NBPF8: variants seen among roughly 807,000 people sequenced by gnomAD.
NBPF8 encodes the protein NBPF member 8.
intron 3 of NBPF8, among the ~76,000 whole-genome samples, chr1:120,428,791 A>G (rs1205286505): frequency 5.5e-4 from 83 of 149,918 alleles, no homozygotes; most frequent in Non-Finnish European, 1.0e-3. Flanking sequence ...ACCAGCCCCA[A>G]TGCCATGTAG....
exon 15 of NBPF8, chr1:120,454,087 T>C (rs589059): frequency 1.2e-6 from 2 of 1,613,154 alleles, no homozygotes; most frequent in Non-Finnish European, 1.7e-6. Context: ...TCATGTTGAA[T>C]GGGAGGATGC....
chr1:120,464,800 C>A (rs1661699291), intron 23 of NBPF8, among the ~76,000 whole-genome samples: 2 of 146,626 alleles, frequency 1.4e-5, no homozygotes. Flanking sequence ...TGACATTGGA[C>A]CTGGGCAGAT....
chr1:120,420,917 CCTT>C (rs1316841655), intron 1 of NBPF8, among the ~76,000 whole-genome samples: 1 of 146,030 alleles, frequency 6.8e-6, no homozygotes, highest in African/African-American at 2.6e-5. Flanking sequence ...CTGTTTGTAT[CCTT>C]CTCACGTGGC....
chr1:120,462,553 C>T (rs1277526518), intron 20 of NBPF8, among the ~76,000 whole-genome samples: 21 of 110,722 alleles, frequency 1.9e-4, no homozygotes, highest in African/African-American at 6.7e-4. Flanking sequence ...GTGTGTCACC[C>T]GGCCAATTCG....
upstream of NBPF8, among the ~76,000 whole-genome samples, chr1:120,418,516 A>G (rs1660486271): frequency 6.6e-6 from 1 of 151,234 alleles, no homozygotes; most frequent in African/African-American, 2.4e-5. Flanking sequence ...TGTAAACAAT[A>G]GTATTCTACA....
chr1:120,465,327 G>T (rs1661713159), exon 24 of NBPF8: 24 of 691,680 alleles, frequency 3.5e-5, no homozygotes, highest in South Asian at 3.3e-4. Context: ...AAAGAAGAAG[G>T]GGAAGAAAAG....
downstream of NBPF8, among the ~76,000 whole-genome samples, chr1:120,469,469 C>A (rs1661853951): frequency 7.1e-6 from 1 of 141,668 alleles, no homozygotes; most frequent in Non-Finnish European, 1.5e-5. Context: ...GTCCTGGCAC[C>A]CTGGTGCTCG....
At chr1:120,425,281 G>GA (rs1660691071) in intron 1 of NBPF8, among the ~76,000 whole-genome samples, 1 of 152,016 alleles carries the variant, frequency 6.6e-6, no homozygotes, top group Non-Finnish European at 1.5e-5. Context: ...GGAATGTCTC[G>GA]GTGTAAAGCC....
upstream of NBPF8, among the ~76,000 whole-genome samples, chr1:120,415,289 G>A (rs1180209277): frequency 3.3e-5 from 5 of 152,174 alleles, no homozygotes; most frequent in African/African-American, 7.2e-5. Flanking sequence ...AAGGCGCCGC[G>A]CCAGGCCGGG....
chr1:120,415,699 C>T (rs1461401594), upstream of NBPF8, among the ~76,000 whole-genome samples: 8 of 152,296 alleles, frequency 5.3e-5, no homozygotes, highest in East Asian at 5.8e-4. Context: ...TATTGGCCTC[C>T]GGGATTCTGC....
rs587619051 is a variant in NBPF8 at position 120,449,948 on chromosome 1, G to A, written n.1971+546G>A. Reference sequence around the variant, plus strand: ...ACAGCATCAAGAGCAGGGAGTAGGGGCCGTGCATGGTGGCTCACTCCTGTA... The same window carrying A: ...ACAGCATCAAGAGCAGGGAGTAGGGACCGTGCATGGTGGCTCACTCCTGTA... On this transcript the variant is annotated intron_variant and non_coding_transcript_variant, in intron 11 of 24. Transcript: ENST00000583271. Among the ~76,000 whole-genome samples the A allele has an allele frequency of 5.3e-5, 8 of 152,262 alleles. No individual in the cohort carries two copies. In the South Asian group the frequency reaches 1.2e-3, roughly 24 times the overall value.
chr1:120,415,505 C>T (rs1406128258), upstream of NBPF8, among the ~76,000 whole-genome samples: 3 of 152,210 alleles, frequency 2.0e-5, no homozygotes, highest in African/African-American at 4.8e-5. Context: ...GGGGAAGAAA[C>T]TCGCTGGCGG....
At chr1:120,421,740 GCCT>G (rs1259922868) in intron 1 of NBPF8, among the ~76,000 whole-genome samples, 9 of 147,716 alleles carry the variant, frequency 6.1e-5, no homozygotes, top group East Asian at 3.9e-4. Flanking sequence ...GGTCCTCCCA[GCCT>G]CCTCCTCCTC....
At chr1:120,431,646 A>T (rs1203775327), upstream of NBPF8, among the ~76,000 whole-genome samples, 8 of 150,698 alleles carry the variant, frequency 5.3e-5, no homozygotes, top group Non-Finnish European at 1.2e-4. Context: ...GTTGGTGAGG[A>T]TATAAAGCAC....
chr1:120,449,442 A>T, intron 11 of NBPF8, 40 bp downstream of exon 9: 3 of 1,458,854 alleles, frequency 2.1e-6, no homozygotes, highest in Non-Finnish European at 2.9e-6. Flanking sequence ...GTGATGAATG[A>T]TATCCTGTCT....
intron 3 of NBPF8, among the ~76,000 whole-genome samples, 48 bp downstream of exon 3, chr1:120,427,895 T>G (rs1192858935): frequency 1.3e-5 from 2 of 150,864 alleles, no homozygotes; most frequent in Non-Finnish European, 1.5e-5. Context: ...TACCAGTAGT[T>G]TTTCCAGGGC....
chr1:120,469,033 A>C, downstream of NBPF8, among the ~76,000 whole-genome samples: 1 of 151,150 alleles, frequency 6.6e-6, no homozygotes, highest in African/African-American at 2.4e-5. Flanking sequence ...TTATCATCCT[A>C]GGTGGACTTG....
intron 1 of NBPF8, among the ~76,000 whole-genome samples, chr1:120,420,851 C>T (rs1439919742): frequency 1.3e-5 from 2 of 148,532 alleles, no homozygotes; most frequent in African/African-American, 2.5e-5. Context: ...CAGGTCACTA[C>T]CCCATGGAAC....
chr1:120,433,003 T>C (rs1660927517), upstream of NBPF8: 1 of 152,170 alleles, frequency 6.6e-6, no homozygotes, highest in South Asian at 2.1e-4. Flanking sequence ...CCAGAATCAT[T>C]ACATGCTTAA....
Sources: gnomAD v4.1 joint callset for allele counts (sites outside exome capture counted in the v4.1 genomes callset) on GRCh38, gnomAD v4.1.1 for gene constraint, MANE v1.5 for transcripts, NCBI Gene and HGNC (gene_info 2026-07-23, HGNC 2026-07-21) for gene names.